The following SCN1B variants were observed in gnomAD, a reference collection of about 807,000 sequenced individuals.
The protein encoded by SCN1B is sodium channel regulatory subunit beta-1.
In SCN1B, 11 loss-of-function variants were observed where a neutral mutation model predicts 25.7. The observed-to-expected ratio is 0.43, with a 90% CI of 0.27 to 0.71. SCN1B has a LOEUF of 0.71. Among genes scored for constraint, SCN1B ranks in the 30% least tolerant of loss-of-function variants. The probability of loss-of-function intolerance (pLI) is 0.21; values close to 1 mark genes in which losing one functional copy is unlikely to be tolerated. For synonymous variants in SCN1B, 119 were observed against 117.5 expected (o/e 1.01, Z -0.08); for missense variants, 224 against 291.5 (o/e 0.77, Z 1.69).
chr19:35,039,571 C>A, intron 4 of SCN1B, 64 bp from the exon 5 acceptor site: 1 of 1,543,376 alleles, frequency 6.5e-7, no homozygotes, highest in Non-Finnish European at 9.0e-7. Context: ...TACCTTCCCC[C>A]ATCCCCCGGG....
rs1401739702 is a variant in SCN1B at position 35,038,958 on chromosome 19, C to A, written c.449-159C>A. 3.5e-6 allele frequency: 3 copies of A among 847,554 alleles called. No individual in the cohort carries two copies. In the East Asian group the frequency reaches 7.5e-5, roughly 21 times the overall value. The allele number at this position is 847,554 out of a possible 1,614,324, so 52.5% of individuals were successfully genotyped here. A position where few individuals can be genotyped will look rare whatever the true frequency, so the allele number is the denominator to read the frequency against. On this transcript the variant is annotated intron_variant, in intron 3 of 5. Transcript: ENST00000262631. ...ACAGGGAGGCAGGTTGAGGGTGACCCCCACCAGGCCTACCCAAGGCTGGGT... is the reference window on the plus strand; with the variant it reads ...ACAGGGAGGCAGGTTGAGGGTGACCACCACCAGGCCTACCCAAGGCTGGGT...
intron 3 of SCN1B, 147 bp from the exon 4 acceptor site, chr19:35,038,970 A>G (rs2064265100): frequency 1.0e-6 from 1 of 957,328 alleles, no homozygotes; most frequent in African/African-American, 1.6e-5. Context: ...CACCAGGCCT[A>G]CCCAAGGCTG....
chr19:35,031,083 C>T (rs2064210454), intron 1 of SCN1B, among the ~76,000 whole-genome samples: 1 of 151,654 alleles, frequency 6.6e-6, no homozygotes, highest in Non-Finnish European at 1.5e-5. Flanking sequence ...GCTGGCACAG[C>T]CTGGCGGCTG....
In SCN1B at chr19:35,030,491, C is replaced by A. The variant is rs1172123355; in HGVS notation, c.-330C>A. Reference sequence around the variant, plus strand: ...CTGCAGTGCGCAGGAGACCGCGGTCCGCGCCCGAGCGCGCCCGAGCCGGAG... The same window carrying A: ...CTGCAGTGCGCAGGAGACCGCGGTCAGCGCCCGAGCGCGCCCGAGCCGGAG... On this transcript the variant is annotated 5_prime_UTR_variant, in exon 1 of 6. Transcript: ENST00000262631. 2 of 167,196 alleles carry A rather than the reference C, an allele frequency of 1.2e-5. No individual in the cohort carries two copies. The highest frequency in any genetic ancestry group is 6.6e-5 in the Admixed American group (1 of 15,266). 10.4% of individuals were successfully genotyped at this position (167,196 alleles called of 1,614,324 possible).
intron 2 of SCN1B, 99 bp from the exon 3 acceptor site, chr19:35,033,400 A>G: frequency 6.3e-7 from 1 of 1,589,332 alleles, no homozygotes; most frequent in Non-Finnish European, 8.5e-7. Context: ...TCTGTGTGCC[A>G]TCTGTGTTTG....
rs1474025001 is a variant in SCN1B, at chr19:35,032,545, G to A, written c.58G>A (p.Gly20Ser). ...GAALVSSACGGCVEVDSETEA... is the reference protein window; with the variant it reads ...GAALVSSACGSCVEVDSETEA... ...CCCCACAGTGTCCTCAGCCTGCGGGGGCTGCGTGGAGGTGGACTCGGAGAC... is the reference window on the plus strand; with the variant it reads ...CCCCACAGTGTCCTCAGCCTGCGGGAGCTGCGTGGAGGTGGACTCGGAGAC... The change falls in exon 2 of 6, where the codon GGC becomes AGC. Residue 20 changes from glycine (G) to serine (S), a missense_variant. By Grantham distance (56) the Gly-to-Ser change is moderately conservative. This residue lies in a region of SCN1B where 46 missense variants were observed against 35.8 expected (regional missense o/e 1.29). Coordinates refer to ENST00000262631, the MANE Select transcript of SCN1B (RefSeq NM_001037.5). This position sits in a 1 kb window ranked among gnomAD's most constrained non-coding sequence, Gnocchi z 4.3. 2.5e-6 allele frequency: 4 copies of A among 1,613,806 alleles called. No individual in the cohort carries two copies. The highest frequency in any genetic ancestry group is 3.4e-6 in the Non-Finnish European group (4 of 1,180,042).
chr19:35,030,788 C>A lies in SCN1B; in HGVS notation c.-33C>A. 1 of 972,828 alleles carries A rather than the reference C, an allele frequency of 1.0e-6. No individual in the cohort carries two copies. The allele number at this position is 972,828 out of a possible 1,614,324, so 60.3% of individuals were successfully genotyped here. On this transcript the variant is annotated 5_prime_UTR_variant, in exon 1 of 6. Transcript: ENST00000262631. ...TCGCCCCGCTATTAATACCGGCGGCCCGGGAGGGGGGCGCAGCACGCGCCG... is the reference window on the plus strand; with the variant it reads ...TCGCCCCGCTATTAATACCGGCGGCACGGGAGGGGGGCGCAGCACGCGCCG...
At chr19:35,033,871 G>C in intron 3 of SCN1B, 132 bp downstream of exon 3, 2 of 1,607,020 alleles carry the variant, frequency 1.2e-6, no homozygotes, top group South Asian at 1.1e-5. Context: ...GCGGGCTGAG[G>C]GGGAGGGGAG....
At chr19:35,039,001 A>G (rs938669302) in intron 3 of SCN1B, 116 bp from the exon 4 acceptor site, 4 of 1,228,882 alleles carry the variant, frequency 3.3e-6, no homozygotes, top group African/African-American at 3.0e-5. Context: ...ATCACAGTGC[A>G]TACACCAGGC....
At position 35,032,537 on chromosome 19, in the gene SCN1B, C is replaced by G; in HGVS notation, c.50C>G (p.Ala17Gly). 1.2e-6 allele frequency: 2 copies of G among 1,613,810 alleles called. No homozygotes were observed. Among genetic ancestry groups the G allele is most frequent in the Non-Finnish European group, 8.5e-7 (1 of 1,180,048 alleles). ...LVVGAALVSSACGGCVEVDSE... is the reference protein window; with the variant it reads ...LVVGAALVSSGCGGCVEVDSE... ...CCTGCTGTCCCCACAGTGTCCTCAG[C>G]CTGCGGGGGCTGCGTGGAGGTGGAC... The change falls in exon 2 of 6, where the codon GCC becomes GGC. Residue 17 changes from alanine (A) to glycine (G), a missense_variant. Physicochemically the swap from Ala to Gly is moderately conservative, Grantham distance 60. This residue lies in a region of SCN1B where 46 missense variants were observed against 35.8 expected (regional missense o/e 1.29). Coordinates refer to ENST00000262631, the MANE Select transcript of SCN1B (RefSeq NM_001037.5). This position sits in a 1 kb window ranked among gnomAD's most constrained non-coding sequence, Gnocchi z 4.3.
At position 35,032,216 on chromosome 19, in the gene SCN1B, A is replaced by G. The variant is rs1035686759; in HGVS notation, c.41-312A>G. 1.3e-5 allele frequency among the ~76,000 whole-genome samples: 2 copies of G among 152,178 alleles called. No homozygotes were observed. The highest frequency in any genetic ancestry group is 1.3e-4 in the Admixed American group (2 of 15,286). ...TGAGGAAGGGGCACTCGGGTAGCAT[A>G]AAGTCTGAGTTACCGGCAACGTTGA... On this transcript the variant is annotated intron_variant, in intron 1 of 5. Coordinates refer to ENST00000262631, the MANE Select transcript of SCN1B (RefSeq NM_001037.5). This position sits in a 1 kb window ranked among gnomAD's most constrained non-coding sequence, Gnocchi z 4.3.
chr19:35,030,698 A>T lies in SCN1B; in HGVS notation c.-123A>T, dbSNP rs1034432673. ...CCTCCTCCCCCCTCGCCGGTCCCAG[A>T]GCCGCAGCTGCTGCGCCCGCGCGCT... On this transcript the variant is annotated 5_prime_UTR_variant, in exon 1 of 6. Transcript: ENST00000262631. The T allele has an allele frequency of 4.9e-5, 11 of 225,572 alleles. No homozygotes were observed. The highest frequency in any genetic ancestry group is 9.6e-5 in the African/African-American group (4 of 41,748). The allele number at this position is 225,572 out of a possible 1,614,324, so 14.0% of individuals were successfully genotyped here.
At chr19:35,038,071 A>C (rs2064259391) in intron 3 of SCN1B, 1 of 152,106 alleles carries the variant, frequency 6.6e-6, no homozygotes, top group Admixed American at 6.5e-5. Context: ...CAGGGGGGGC[A>C]TCCGGCCCCG....
chr19:35,033,019 T>A (rs2064224089), intron 2 of SCN1B, among the ~76,000 whole-genome samples: 1 of 152,194 alleles, frequency 6.6e-6, no homozygotes, highest in South Asian at 2.1e-4. Context: ...CAGCAAACAA[T>A]GTCTCTGATA....
intron 4 of SCN1B, 107 bp downstream of exon 4, chr19:35,039,365 C>A: frequency 6.7e-7 from 1 of 1,496,630 alleles, no homozygotes; most frequent in Non-Finnish European, 9.2e-7. Context: ...CGGCCCAGGG[C>A]GCCATCTCTC....
chr19:35,030,853 G>A lies in SCN1B; in HGVS notation c.33G>A (p.Ala11=), dbSNP rs2064208707. The change falls in exon 1 of 6, where the codon GCG becomes GCA. Residue 11 remains alanine, a synonymous_variant. Coordinates refer to ENST00000262631, the MANE Select transcript of SCN1B (RefSeq NM_001037.5). MGRLLALVVG[A]ALVSSACGGC... is the part of the protein sequence containing the mutation. ...GGCTGCTGGCCTTAGTGGTCGGCGC[G>A]GCACTGGGTGAGTGCGCGGGGGGCG... 1.1e-6 allele frequency: 1 copy of A among 919,040 alleles called. No homozygotes were observed. Among genetic ancestry groups the A allele is most frequent in the Non-Finnish European group, 1.4e-6 (1 of 736,280 alleles). 56.9% of individuals were successfully genotyped at this position (919,040 alleles called of 1,614,324 possible).
intron 3 of SCN1B, chr19:35,035,355 T>C (rs1293673449): frequency 6.6e-6 from 1 of 152,054 alleles, no homozygotes; most frequent in Non-Finnish European, 1.5e-5. Flanking sequence ...AATGGCGTGA[T>C]CTCGGCCCAC....
chr19:35,039,300 C>T (rs749194747), intron 4 of SCN1B, 42 bp downstream of exon 4: 29 of 1,606,282 alleles, frequency 1.8e-5, no homozygotes, highest in Middle Eastern at 1.7e-4. Flanking sequence ...CCCAGGGCAC[C>T]GTCACACTTG....
Position 35,030,864 on chromosome 19 carries a change from A to G in SCN1B, c.40+4A>G. ...TTAGTGGTCGGCGCGGCACTGGGTG[A>G]GTGCGCGGGGGGCGCGCGCGGCCGG... On this transcript the variant is annotated splice_donor_region_variant and intron_variant, in intron 1 of 5. Coordinates refer to ENST00000262631, the MANE Select transcript of SCN1B (RefSeq NM_001037.5). The G allele has an allele frequency of 1.2e-6, 1 of 806,592 alleles. No homozygotes were observed. Among genetic ancestry groups the G allele is most frequent in the East Asian group, 6.4e-5 (1 of 15,530 alleles). 50.0% of individuals were successfully genotyped at this position (806,592 alleles called of 1,614,324 possible).
Sources: gnomAD v4.1 joint callset for allele counts (sites outside exome capture counted in the v4.1 genomes callset) on GRCh38, gnomAD v4.1.1 for gene constraint, gnomAD v4.1.1 regional missense constraint, Gnocchi (gnomAD v3.1) non-coding constraint, MANE v1.5 for transcripts, NCBI Gene and HGNC (gene_info 2026-07-23, HGNC 2026-07-21) for gene names.